The following PPP1R2 variants were observed in gnomAD, a reference collection of about 807,000 sequenced individuals.
The protein encoded by PPP1R2 is protein phosphatase 1 regulatory inhibitor subunit 2.
A neutral mutation model predicts 29.9 loss-of-function variants in PPP1R2; 16 were observed. The ratio of observed to expected loss-of-function variants is 0.53; its 90% confidence interval spans 0.36 to 0.81. The LOEUF (loss-of-function observed/expected upper bound fraction) is 0.81. PPP1R2 is among the 30% of genes least tolerant of loss of function. The pLI is 0.00. For missense variants in PPP1R2, 197 were observed against 252.7 expected, an observed-to-expected ratio of 0.78 and a Z score of 1.49; for synonymous variants, 76 against 91.5, an observed-to-expected ratio of 0.83 and a Z score of 0.96.
chr3:195,534,925 G>A (rs1277259193), intron 1 of PPP1R2, among the ~76,000 whole-genome samples: 2 of 152,158 alleles, frequency 1.3e-5, no homozygotes, highest in Non-Finnish European at 2.9e-5. Flanking sequence ...TGAACCCTAT[G>A]AGTTCAACCC....
chr3:195,521,673 C>T (rs1262804954), intron 4 of PPP1R2, among the ~76,000 whole-genome samples: 1 of 151,878 alleles, frequency 6.6e-6, no homozygotes, highest in African/African-American at 2.4e-5. Flanking sequence ...TTTTTAAAGA[C>T]AAAGTCTCAC....
chr3:195,521,013 T>C (rs1044781187), intron 4 of PPP1R2, among the ~76,000 whole-genome samples: 2 of 152,054 alleles, frequency 1.3e-5, no homozygotes, highest in African/African-American at 4.8e-5. Context: ...TCTATACTTA[T>C]ATTTTTAAAA....
At chr3:195,530,869 C>G (rs1316270322) in intron 1 of PPP1R2, among the ~76,000 whole-genome samples, 1 of 151,832 alleles carries the variant, frequency 6.6e-6, no homozygotes, top group Non-Finnish European at 1.5e-5. Flanking sequence ...GTCGCCCAGG[C>G]TGGAGTGCAA....
intron 1 of PPP1R2, among the ~76,000 whole-genome samples, chr3:195,533,764 C>T (rs1162942105): frequency 6.6e-6 from 1 of 152,100 alleles, no homozygotes; most frequent in Non-Finnish European, 1.5e-5. Flanking sequence ...TTTTGTATTG[C>T]CGATGCATCT....
At chr3:195,533,454 G>C (rs1719261874) in intron 1 of PPP1R2, among the ~76,000 whole-genome samples, 2 of 152,046 alleles carry the variant, frequency 1.3e-5, no homozygotes, top group Admixed American at 6.6e-5. Flanking sequence ...TGGTTTTTGA[G>C]TATTTTTTAT....
rs1718579186 is a variant in PPP1R2 at position 195,517,245 on chromosome 3, C to G, written c.572-303G>C. On this transcript the variant is annotated intron_variant, in intron 5 of 5. Transcript: ENST00000618156. ...CAATATCCAGAGCTATAAAAAGATA[C>G]ATATTTATTACCTGAAAGCTATAAA... 1.3e-5 allele frequency among the ~76,000 whole-genome samples: 2 copies of G among 152,034 alleles called. 1 individual carries two copies. The highest frequency in any genetic ancestry group is 1.3e-4 in the Admixed American group (2 of 15,256).
intron 1 of PPP1R2, among the ~76,000 whole-genome samples, chr3:195,538,537 CT>C (rs1719476079): frequency 6.6e-6 from 1 of 152,104 alleles, no homozygotes; most frequent in Non-Finnish European, 1.5e-5. Context: ...TTTTATTTTA[CT>C]CAGTAAACCT....
chr3:195,529,949 A>G (rs1719119372), intron 1 of PPP1R2, 48 bp from the exon 2 acceptor site: 1 of 1,322,958 alleles, frequency 7.6e-7, no homozygotes, highest in African/African-American at 1.5e-5. Flanking sequence ...AAAAAGATAA[A>G]CCTGAATATC....
chr3:195,526,576 T>A (rs971847047), intron 2 of PPP1R2, among the ~76,000 whole-genome samples: 3 of 152,196 alleles, frequency 2.0e-5, no homozygotes, highest in Non-Finnish European at 4.4e-5. Flanking sequence ...ATTATATTTA[T>A]AAACAGTCAA....
chr3:195,528,019 T>G (rs1056259872), intron 2 of PPP1R2: 5 of 299,582 alleles, frequency 1.7e-5, no homozygotes, highest in Non-Finnish European at 3.3e-5. Flanking sequence ...TTCAATAGGT[T>G]TTTGGGAAAC....
chr3:195,536,537 T>G (rs367959004), intron 1 of PPP1R2, among the ~76,000 whole-genome samples: 1 of 151,848 alleles, frequency 6.6e-6, no homozygotes, highest in Admixed American at 6.6e-5. Context: ...CAATATTGAA[T>G]TAAAAATGAC....
chr3:195,527,288 A>G (rs1268299839), intron 2 of PPP1R2, among the ~76,000 whole-genome samples: 2 of 151,438 alleles, frequency 1.3e-5, no homozygotes, highest in Non-Finnish European at 2.9e-5. Flanking sequence ...TGTCAATACT[A>G]AAAATACAAA....
chr3:195,532,034 ATG>A (rs1246968841), intron 1 of PPP1R2, among the ~76,000 whole-genome samples: 1 of 151,968 alleles, frequency 6.6e-6, no homozygotes, highest in Non-Finnish European at 1.5e-5. Context: ...ATGTGTCAGA[ATG>A]TCTCTCTTTT....
In PPP1R2 at chr3:195,526,065, CATG is replaced by C. The variant is rs534378774; in HGVS notation, c.231-1172_231-1170del. Among the ~76,000 whole-genome samples the C allele has an allele frequency of 2.5e-3, 381 of 151,504 alleles. 3 individuals carry two copies. The highest frequency in any genetic ancestry group is 8.9e-3 in the African/African-American group (369 of 41,290). On this transcript the variant is annotated intron_variant, in intron 2 of 5. Transcript: ENST00000618156. The stretch of plus-strand genomic sequence containing the variant: ...ACTGTGAGATTCTTAGATAATAAGA[CATG>C]ATGTTTCTATAAAAAGCATCTTCAC...
chr3:195,516,160 G>A lies in PPP1R2; in HGVS notation c.*736C>T, dbSNP rs1051423422. ...AGAATATTTATTTTTTTAAAAAACTGCTCTGAAGTCTGCCCAGTGTACCAA... is the reference window on the plus strand; with the variant it reads ...AGAATATTTATTTTTTTAAAAAACTACTCTGAAGTCTGCCCAGTGTACCAA... On this transcript the variant is annotated 3_prime_UTR_variant, in exon 6 of 6. Transcript: ENST00000618156. The A allele has an allele frequency of 1.3e-5, 2 of 152,512 alleles. No homozygotes were observed. Among genetic ancestry groups the A allele is most frequent in the Admixed American group, 6.5e-5 (1 of 15,274 alleles). 9.4% of individuals were successfully genotyped at this position (152,512 alleles called of 1,614,324 possible). A position where few individuals can be genotyped will look rare whatever the true frequency, so the allele number is the denominator to read the frequency against.
intron 4 of PPP1R2, among the ~76,000 whole-genome samples, chr3:195,522,237 G>A (rs181493357): frequency 1.8e-4 from 27 of 152,224 alleles, no homozygotes; most frequent in Middle Eastern, 3.4e-3. Flanking sequence ...TTAGCCAAGT[G>A]GCATACCTGG....
chr3:195,525,377 T>C (rs1718924382), intron 2 of PPP1R2, among the ~76,000 whole-genome samples: 1 of 152,190 alleles, frequency 6.6e-6, no homozygotes, highest in Non-Finnish European at 1.5e-5. Flanking sequence ...CCATTTTATA[T>C]CAGAGACTTG....
At chr3:195,530,637 T>C (rs542431860) in intron 1 of PPP1R2, among the ~76,000 whole-genome samples, 1 of 152,102 alleles carries the variant, frequency 6.6e-6, no homozygotes, top group African/African-American at 2.4e-5. Context: ...GCGCTTCCCC[T>C]GTCTCAGCCT....
At chr3:195,524,680 GA>G (rs1453538266) in intron 3 of PPP1R2, 138 bp downstream of exon 3, 34 of 729,956 alleles carry the variant, frequency 4.7e-5, no homozygotes, top group South Asian at 6.0e-5. Flanking sequence ...GGGAAAAAAG[GA>G]AAAAAAAGTC....
Sources: gnomAD v4.1 joint callset for allele counts (sites outside exome capture counted in the v4.1 genomes callset) on GRCh38, gnomAD v4.1.1 for gene constraint, MANE v1.5 for transcripts, NCBI Gene and HGNC (gene_info 2026-07-23, HGNC 2026-07-21) for gene names.